Variants in RYR2 observed in about 807,000 individuals in gnomAD.
RYR2 encodes the protein ryanodine receptor 2.
In RYR2, 227 loss-of-function variants were observed where a neutral mutation model predicts 601.1. The observed-to-expected ratio is 0.38, with a 90% CI of 0.34 to 0.42. The LOEUF is 0.42. Ranked by LOEUF, RYR2 falls within the 10% of genes least tolerant of loss-of-function variation. The pLI is 1.00. For missense variants in RYR2, 4,646 were observed against 6,156.5 expected, an observed-to-expected ratio of 0.75 and a Z score of 8.21; for synonymous variants, 2,223 against 2,175.1, an observed-to-expected ratio of 1.02 and a Z score of -0.61.
At chr1:237,353,211 A>T (rs200623278) in intron 3 of RYR2, among the ~76,000 whole-genome samples, 18,865 of 152,078 alleles carry the variant, frequency 0.12, 1,462 homozygotes, top group East Asian at 0.34. Flanking sequence ...AACTTTTTTT[A>T]AAAAAGTTTA....
chr1:237,496,585 T>C lies in RYR2; in HGVS notation c.2036T>C (p.Val679Ala). 1 of 1,613,970 alleles carries C rather than the reference T, an allele frequency of 6.2e-7. No homozygotes were observed. The highest frequency in any genetic ancestry group is 8.5e-7 in the Non-Finnish European group (1 of 1,179,898). The change falls in exon 20 of 105, where the codon GTG becomes GCG. Residue 679 changes from valine (V) to alanine (A), a missense_variant. Physicochemically the swap from Val to Ala is moderately conservative, Grantham distance 64. Transcript: ENST00000366574. ...AAGAAATGGTACTATGAATTGATGG[T>C]GGACCACACAGAGCCCTTTGTGACA... ...QYKKWYYELM[V>A]DHTEPFVTAE...
Position 237,731,942 on chromosome 1 carries a change from G to A in RYR2, c.10936-104G>A, listed in dbSNP as rs368552488. 44 of 632,902 alleles carry A rather than the reference G, an allele frequency of 7.0e-5. 1 individual carries two copies. The highest frequency in any genetic ancestry group is 5.1e-4 in the South Asian group (26 of 51,176). The allele number at this position is 632,902 out of a possible 1,614,324, so 39.2% of individuals were successfully genotyped here. A position where few individuals can be genotyped will look rare whatever the true frequency, so the allele number is the denominator to read the frequency against. On this transcript the variant is annotated intron_variant, in intron 77 of 104. Transcript: ENST00000366574. ...CACCCCACAACAGGGAAGGAGGAAC[G>A]TTCGCATTCCTTTTATTCTTCATTG...
At chr1:237,203,467 C>T (rs1217327769) in intron 1 of RYR2, among the ~76,000 whole-genome samples, 1 of 152,074 alleles carries the variant, frequency 6.6e-6, no homozygotes, top group Non-Finnish European at 1.5e-5. Context: ...GAAAGTTTTA[C>T]AATATGTCTC....
chr1:237,049,415 C>T (rs1660978393), intron 1 of RYR2, among the ~76,000 whole-genome samples: 1 of 152,028 alleles, frequency 6.6e-6, no homozygotes, highest in Admixed American at 6.5e-5. Context: ...GGTTGTGTGA[C>T]CTTGGGGCTG....
At chr1:237,568,225 T>C (rs549690002) in intron 28 of RYR2, among the ~76,000 whole-genome samples, 2 of 152,308 alleles carry the variant, frequency 1.3e-5, no homozygotes, top group Admixed American at 1.3e-4. Flanking sequence ...GGGCATTTTA[T>C]GCCTTTTGAT....
chr1:237,605,771 C>A (rs1325656899), intron 35 of RYR2, among the ~76,000 whole-genome samples: 2 of 151,614 alleles, frequency 1.3e-5, no homozygotes, highest in Non-Finnish European at 2.9e-5. Context: ...TATACACCAA[C>A]AACAGACAAA....
At chr1:237,128,361 G>A (rs561684011) in intron 1 of RYR2, among the ~76,000 whole-genome samples, 11 of 152,324 alleles carry the variant, frequency 7.2e-5, no homozygotes, top group African/African-American at 2.6e-4. Context: ...GAGGGAGACT[G>A]TGGAAAGAGA....
Position 237,248,276 on chromosome 1 carries a change from A to AC in RYR2, c.49-22221_49-22220insC, listed in dbSNP as rs1572352336. Among the ~76,000 whole-genome samples, 46 of 12,866 alleles carry AC rather than the reference A, an allele frequency of 3.6e-3. 1 individual carries two copies. Among genetic ancestry groups the AC allele is most frequent in the Admixed American group, 0.011 (10 of 904 alleles). The allele number at this position is 12,866 out of a possible 152,430, so 8.4% of individuals were successfully genotyped here. Reference sequence around the variant, plus strand: ...AATAGAGCAAGACTCCACCCCCCGCAACCCCGCCCCCCCCCCCCCCCCCAA... The same window carrying AC: ...AATAGAGCAAGACTCCACCCCCCGCACACCCCGCCCCCCCCCCCCCCCCCAA... On this transcript the variant is annotated intron_variant, in intron 1 of 104. Coordinates refer to ENST00000366574, the MANE Select transcript of RYR2 (RefSeq NM_001035.3).
At chr1:237,532,279 T>C (rs768180479) in intron 25 of RYR2, among the ~76,000 whole-genome samples, 10 of 152,136 alleles carry the variant, frequency 6.6e-5, no homozygotes, top group Non-Finnish European at 1.0e-4. Context: ...ACAAATAATA[T>C]TTATTGATAG....
At chr1:237,680,941 T>C (rs1462871296) in intron 62 of RYR2, among the ~76,000 whole-genome samples, 1 of 152,224 alleles carries the variant, frequency 6.6e-6, no homozygotes, top group Non-Finnish European at 1.5e-5. Context: ...TTGCCAGCAT[T>C]TATTGTTCAG....
At chr1:237,282,770 G>T (rs919948884) in intron 2 of RYR2, among the ~76,000 whole-genome samples, 2 of 152,132 alleles carry the variant, frequency 1.3e-5, no homozygotes, top group African/African-American at 4.8e-5. Context: ...GGTAAAATAC[G>T]AATATAGCTC....
rs1264658238 is a variant in RYR2 at position 237,590,790 on chromosome 1, G to A, written c.3958G>A (p.Gly1320Arg). 6.2e-7 allele frequency: 1 copy of A among 1,613,762 alleles called. No individual in the cohort carries two copies. Among genetic ancestry groups the A allele is most frequent in the African/African-American group, 1.3e-5 (1 of 74,868 alleles). Reference sequence around the variant, plus strand: ...GGAGGTCTTCTCCAAGACGGTGGCTGGAGGGCTCCCTGGGGCTGGCCTTTT... The same window carrying A: ...GGAGGTCTTCTCCAAGACGGTGGCTAGAGGGCTCCCTGGGGCTGGCCTTTT... The part of the protein sequence containing the change: ...CAEVFSKTVA[G>R]GLPGAGLFGP... The change falls in exon 31 of 105, where the codon GGA becomes AGA. Residue 1320 changes from glycine (G) to arginine (R), a missense_variant. By Grantham distance (125) the Gly-to-Arg change is moderately radical. Around this residue, in one of 17 missense-constraint regions of RYR2, gnomAD observed 1,807 missense variants for 2,088.1 expected, o/e 0.87. Transcript: ENST00000366574.
At chr1:237,110,252 G>T (rs1354491612) in intron 1 of RYR2, among the ~76,000 whole-genome samples, 1 of 140,676 alleles carries the variant, frequency 7.1e-6, no homozygotes, top group Non-Finnish European at 1.5e-5. Context: ...TCTGAGGTGG[G>T]GCCTGAAAAT....
chr1:237,731,695 T>C (rs1690692424), intron 77 of RYR2, among the ~76,000 whole-genome samples: 1 of 152,178 alleles, frequency 6.6e-6, no homozygotes, highest in Non-Finnish European at 1.5e-5. Flanking sequence ...TTTGGTCAAA[T>C]TATTAAATAT....
At chr1:237,717,735 A>G (rs2149102433) in intron 72 of RYR2, among the ~76,000 whole-genome samples, 1 of 152,302 alleles carries the variant, frequency 6.6e-6, no homozygotes, top group East Asian at 1.9e-4. Flanking sequence ...TATTGTGCCA[A>G]CTGTGGGTAG....
chr1:237,202,866 A>C (rs1681353203), intron 1 of RYR2, among the ~76,000 whole-genome samples: 1 of 152,184 alleles, frequency 6.6e-6, no homozygotes, highest in African/African-American at 2.4e-5. Context: ...AAGGAGGGAA[A>C]GGACAATTGG....
intron 56 of RYR2, among the ~76,000 whole-genome samples, chr1:237,665,524 C>T (rs752966782): frequency 2.6e-5 from 4 of 152,022 alleles, no homozygotes; most frequent in Non-Finnish European, 4.4e-5. Flanking sequence ...GGCTGCCCTG[C>T]GGCTGGATAA....
intron 1 of RYR2, among the ~76,000 whole-genome samples, chr1:237,113,225 A>C (rs1398077461): frequency 6.6e-6 from 1 of 151,624 alleles, no homozygotes; most frequent in Non-Finnish European, 1.5e-5. Context: ...TTGAGATGGA[A>C]TCTCACTCTG....
At chr1:237,376,203 G>A (rs1229307225) in intron 7 of RYR2, among the ~76,000 whole-genome samples, 1 of 152,152 alleles carries the variant, frequency 6.6e-6, no homozygotes, top group Non-Finnish European at 1.5e-5. Flanking sequence ...ATTCTGCCAG[G>A]TGACATTCAG....
Sources: allele counts gnomAD v4.1 joint callset (sites outside exome capture counted in the v4.1 genomes callset), GRCh38; gene constraint gnomAD v4.1.1; regional missense constraint gnomAD v4.1.1; transcripts MANE v1.5; gene names NCBI Gene and HGNC (gene_info 2026-07-23, HGNC 2026-07-21).